The following STAG2 variants were observed in gnomAD, a reference collection of about 807,000 sequenced individuals.
STAG2 encodes STAG2 cohesin complex component, also known as cohesin subunit SA-2.
STAG2 carries 14 observed loss-of-function variants against 108.1 expected under a neutral mutation model. The ratio of observed to expected loss-of-function variants is 0.13; its 90% CI spans 0.09 to 0.20. STAG2 has a LOEUF of 0.20. Among genes scored for constraint, STAG2 ranks in the 10% least tolerant of loss-of-function variants. The probability of loss-of-function intolerance (pLI) is 1.00; values close to 1 mark genes in which losing one functional copy is unlikely to be tolerated. For synonymous variants in STAG2, 307 were observed against 302.7 expected (o/e 1.01, Z -0.15); for missense variants, 440 against 940.9 (o/e 0.47, Z 6.96).
At chrX:124,034,108 C>T (rs1428629203) in intron 5 of STAG2, among the ~76,000 whole-genome samples, 3 of 112,173 alleles carry the variant, frequency 2.7e-5, no homozygotes, top group Non-Finnish European at 5.6e-5. Flanking sequence ...TTGGGCTATT[C>T]CATTTTTATC....
intron 4 of STAG2, among the ~76,000 whole-genome samples, chrX:124,030,290 T>G (rs2057290522): frequency 8.9e-6 from 1 of 112,386 alleles, no homozygotes; most frequent in Admixed American, 9.4e-5. Flanking sequence ...CTTGATTTAC[T>G]ACACCCTTGA....
In STAG2 at chrX:124,101,484, A is replaced by G. The variant is rs1263356292; in HGVS notation, c.*887A>G. The G allele has an allele frequency of 3.5e-5, 5 of 144,081 alleles. No individual in the cohort carries two copies. The highest frequency in any genetic ancestry group is 8.8e-5 in the Admixed American group (1 of 11,307). The allele number at this position is 144,081 out of a possible 1,213,427, so 11.9% of individuals were successfully genotyped here. A position where few individuals can be genotyped will look rare whatever the true frequency, so the allele number is the denominator to read the frequency against. On this transcript the variant is annotated 3_prime_UTR_variant, in exon 35 of 35. Coordinates refer to ENST00000371145, the MANE Select transcript of STAG2 (RefSeq NM_001042750.2). ...AGGGATCTAAATTTTAAATAAAATT[A>G]TATATATATATAAATTGGTGCTGAT...
intron 1 of STAG2, among the ~76,000 whole-genome samples, chrX:123,987,528 G>A (rs760422932): frequency 1.9e-4 from 21 of 111,494 alleles, no homozygotes; most frequent in Admixed American, 8.6e-4. Context: ...GATTACAGGC[G>A]TGAGCCACCA....
intron 1 of STAG2, among the ~76,000 whole-genome samples, chrX:123,987,681 G>C (rs2055262679): frequency 8.9e-6 from 1 of 112,342 alleles, no homozygotes; most frequent in African/African-American, 3.2e-5. Context: ...TTGTAGAGAT[G>C]CATCTTGTCT....
chrX:124,065,036 TTTA>T (rs1404715964), intron 20 of STAG2, among the ~76,000 whole-genome samples: 7 of 111,887 alleles, frequency 6.3e-5, no homozygotes, highest in African/African-American at 2.3e-4. Flanking sequence ...GTTTTCTTGT[TTTA>T]TTAATTACTC....
chrX:124,061,762 T>G lies in STAG2; in HGVS notation c.1535-9T>G. 1.1e-6 allele frequency: 1 copy of G among 947,038 alleles called. No individual in the cohort carries two copies. The highest frequency in any genetic ancestry group is 1.4e-6 in the Non-Finnish European group (1 of 718,836). 78.0% of individuals were successfully genotyped at this position (947,038 alleles called of 1,213,427 possible). A position where few individuals can be genotyped will look rare whatever the true frequency, so the allele number is the denominator to read the frequency against. On this transcript the variant is annotated splice_polypyrimidine_tract_variant and intron_variant, in intron 16 of 34. Transcript: ENST00000371145. ...TTCTGACTTTTTTTTTTTTTTTTTT[T>G]TTTTTTAGCACTAACAGATAGGCAA... is the stretch of plus-strand genomic sequence containing the variant.
chrX:123,995,478 A>G (rs1289895338), intron 1 of STAG2, among the ~76,000 whole-genome samples: 1 of 111,263 alleles, frequency 9.0e-6, no homozygotes, highest in Non-Finnish European at 1.9e-5. Flanking sequence ...GTGGATCACG[A>G]GGTGAGGAGA....
chrX:123,970,995 C>G (rs2054328342), intron 1 of STAG2, among the ~76,000 whole-genome samples: 1 of 111,608 alleles, frequency 9.0e-6, no homozygotes, highest in African/African-American at 3.3e-5. Flanking sequence ...GAATGGCATG[C>G]TGAGATAATA....
intron 11 of STAG2, among the ~76,000 whole-genome samples, chrX:124,050,527 A>G (rs2058004161): frequency 9.0e-6 from 1 of 111,556 alleles, no homozygotes; most frequent in African/African-American, 3.3e-5. Flanking sequence ...TTAATGGTGA[A>G]TCATTTTTTT....
chrX:123,997,736 G>A (rs1051126986), intron 1 of STAG2, among the ~76,000 whole-genome samples: 1 of 112,018 alleles, frequency 8.9e-6, no homozygotes, highest in Admixed American at 9.4e-5. Flanking sequence ...CGCCTCCCAG[G>A]TTCAAGTGAT....
chrX:124,012,518 A>G (rs1318168758), intron 1 of STAG2, among the ~76,000 whole-genome samples: 1 of 112,027 alleles, frequency 8.9e-6, no homozygotes, highest in Non-Finnish European at 1.9e-5. Flanking sequence ...TTGAATATGC[A>G]TATAATTCAA....
chrX:123,983,974 C>CTTTTCTTTT (rs1168788249), intron 1 of STAG2, among the ~76,000 whole-genome samples: 19 of 61,457 alleles, frequency 3.1e-4, no homozygotes, highest in African/African-American at 4.6e-4. Flanking sequence ...CTTTTCTTTT[C>CTTTTCTTTT]TTTTTTTTTT....
intron 1 of STAG2, among the ~76,000 whole-genome samples, chrX:124,018,504 GGATA>G (rs1445755044): frequency 1.8e-5 from 2 of 110,454 alleles, no homozygotes; most frequent in South Asian, 3.9e-4. Flanking sequence ...ACGGATGGAT[GGATA>G]GATGGATGGA....
chrX:123,971,674 T>C (rs965456676), intron 1 of STAG2, among the ~76,000 whole-genome samples: 6 of 111,727 alleles, frequency 5.4e-5, no homozygotes, highest in Non-Finnish European at 1.1e-4. Flanking sequence ...GCAACTTTCC[T>C]GAGGGCCACC....
chrX:124,079,133 C>CT lies in STAG2; in HGVS notation c.2775+1087dup, dbSNP rs923882264. ...TAATGAACTTTCTTTTAGGAATGTC[C>CT]TTTTTTTTTTTTCCTTTTCTTTTGA... On this transcript the variant is annotated intron_variant, in intron 27 of 34. Coordinates refer to ENST00000371145, the MANE Select transcript of STAG2 (RefSeq NM_001042750.2). Among the ~76,000 whole-genome samples, 134 of 101,412 alleles carry CT rather than the reference C, an allele frequency of 1.3e-3. 1 individual carries two copies. Among genetic ancestry groups the CT allele is most frequent in the Non-Finnish European group, 9.9e-4 (49 of 49,324 alleles). The allele number at this position is 101,412 out of a possible 115,157, so 88.1% of individuals were successfully genotyped here.
intron 24 of STAG2, 44 bp from the exon 25 acceptor site, chrX:124,071,105 C>A: frequency 1.0e-6 from 1 of 1,001,731 alleles, no homozygotes. Context: ...AGTGAGAAAC[C>A]TTGGATTATA....
chrX:124,001,249 C>G, intron 1 of STAG2, among the ~76,000 whole-genome samples: 1 of 110,816 alleles, frequency 9.0e-6, no homozygotes, highest in Middle Eastern at 4.6e-3. Flanking sequence ...TGCCACCACG[C>G]CTGGCTAATT....
At position 124,100,666 on chromosome X, in the gene STAG2, A is replaced by C. The variant is rs1050280955; in HGVS notation, c.*69A>C. On this transcript the variant is annotated 3_prime_UTR_variant, in exon 35 of 35. Coordinates refer to ENST00000371145, the MANE Select transcript of STAG2 (RefSeq NM_001042750.2). Reference sequence around the variant, plus strand: ...GGAAGAGGAAATTTTAAAGTGTGGTAGATACAGTGAAATTCTGTACAGATT... The same window carrying C: ...GGAAGAGGAAATTTTAAAGTGTGGTCGATACAGTGAAATTCTGTACAGATT... 4.4e-6 allele frequency: 4 copies of C among 902,771 alleles called. No individual in the cohort carries two copies. The Admixed American group carries it at 9.3e-5, about 21-fold the overall frequency. The allele number at this position is 902,771 out of a possible 1,213,427, so 74.4% of individuals were successfully genotyped here.
At chrX:124,000,133 G>A (rs1210053993) in intron 1 of STAG2, among the ~76,000 whole-genome samples, 4 of 109,937 alleles carry the variant, frequency 3.6e-5, no homozygotes, top group East Asian at 5.8e-4. Flanking sequence ...CAGCATGATC[G>A]TCCTATAATA....
Sources: allele counts gnomAD v4.1 joint callset (sites outside exome capture counted in the v4.1 genomes callset), GRCh38; gene constraint gnomAD v4.1.1; transcripts MANE v1.5; gene names NCBI Gene and HGNC (gene_info 2026-07-23, HGNC 2026-07-21).